The following RAB26 variants were observed in gnomAD, a reference collection of about 807,000 sequenced individuals.
RAB26 encodes ras-related protein Rab-26.
A neutral mutation model predicts 33.1 loss-of-function variants in RAB26; 39 were observed. That is an observed-to-expected ratio of 1.18 (90% CI 0.91 to 1.54). The LOEUF (loss-of-function observed/expected upper bound fraction) is 1.54, where lower values mean the gene tolerates loss of function less well. Among genes scored for constraint, RAB26 ranks in the 40% most tolerant of loss-of-function variants. The probability of loss-of-function intolerance (pLI) is 0.00; values close to 1 mark genes in which losing one functional copy is unlikely to be tolerated. For synonymous variants in RAB26, 192 were observed against 151.9 expected (o/e 1.26, Z -1.94); for missense variants, 468 against 362.9 (o/e 1.29, Z -2.35).
rs746887223 is a variant in RAB26, at chr16:2,152,858, C to T, written c.507C>T (p.Asp169=). Residue 169 remains aspartate, a synonymous_variant, in exon 6 of 9, where the codon GAC becomes GAT. Coordinates refer to ENST00000210187, the MANE Select transcript of RAB26 (RefSeq NM_014353.5). ...AGATCCACGAGTACGCCCAGCACGA[C>T]GTGGCGCTCATGCTGCTGGGGAACA... The part of the protein sequence containing the change: ...LTEIHEYAQH[D]VALMLLGNKV... 48 of 1,607,886 alleles carry T rather than the reference C, an allele frequency of 3.0e-5. No homozygotes were observed. Among genetic ancestry groups the T allele is most frequent in the Non-Finnish European group, 3.7e-5 (43 of 1,177,576 alleles).
chr16:2,151,767 C>A lies in RAB26; in HGVS notation c.415+6C>A, dbSNP rs763888850. On this transcript the variant is annotated splice_donor_region_variant and intron_variant, in intron 4 of 8. Transcript: ENST00000210187. ...CTACTACCGGGATGCTCATGGTGAG[C>A]CCCTGGGTACCTGGGCTGGTTGGGG... is the stretch of plus-strand genomic sequence containing the variant. 1.9e-6 allele frequency: 3 copies of A among 1,613,818 alleles called. No homozygotes were observed. The African/African-American group carries it at 4.0e-5, about 22-fold the overall frequency.
chr16:2,150,930 G>GC (rs146833102), intron 2 of RAB26, among the ~76,000 whole-genome samples: 4,136 of 152,144 alleles, frequency 0.027, 204 homozygotes, highest in African/African-American at 0.094. Flanking sequence ...TGCGGCTGAA[G>GC]CCCCCCGCCC....
At position 2,148,931 on chromosome 16, in the gene RAB26, C is replaced by T. The variant is rs1338778558; in HGVS notation, c.148C>T (p.Arg50Trp). The T allele has an allele frequency of 1.5e-6, 2 of 1,300,070 alleles. No individual in the cohort carries two copies. Among genetic ancestry groups the T allele is most frequent in the African/African-American group, 3.1e-5 (2 of 65,044 alleles). 80.5% of individuals were successfully genotyped at this position (1,300,070 alleles called of 1,614,324 possible). The change falls in exon 1 of 9, where the codon CGG becomes TGG. Residue 50 changes from arginine (R) to tryptophan (W), a missense_variant. Transcript: ENST00000210187. Reference sequence around the variant, plus strand: ...GCCCAACGGGCCCTTGCAGCCCGGCCGGCCCTCGCTTGGCGGCGGTGTCGA... The same window carrying T: ...GCCCAACGGGCCCTTGCAGCCCGGCTGGCCCTCGCTTGGCGGCGGTGTCGA... The part of the protein sequence containing the change: ...APPNGPLQPG[R>W]PSLGGGVDFY...
In RAB26 at chr16:2,152,867, C is replaced by T; in HGVS notation, c.516C>T (p.Leu172=). Residue 172 remains leucine, a synonymous_variant, in exon 6 of 9, where the codon CTC becomes CTT. Transcript: ENST00000210187. ...AGTACGCCCAGCACGACGTGGCGCTCATGCTGCTGGGGAACAAGGTGGGAG... is the reference window on the plus strand; with the variant it reads ...AGTACGCCCAGCACGACGTGGCGCTTATGCTGCTGGGGAACAAGGTGGGAG... The part of the protein sequence containing the change: ...IHEYAQHDVA[L]MLLGNKVDSA... 1 of 1,607,280 alleles carries T rather than the reference C, an allele frequency of 6.2e-7. No individual in the cohort carries two copies. Among genetic ancestry groups the T allele is most frequent in the Non-Finnish European group, 8.5e-7 (1 of 1,177,050 alleles).
Position 2,148,933 on chromosome 16 carries a change from G to A in RAB26, c.150G>A (p.Arg50=). ...APPNGPLQPG[R]PSLGGGVDFY... Reference sequence around the variant, plus strand: ...CCAACGGGCCCTTGCAGCCCGGCCGGCCCTCGCTTGGCGGCGGTGTCGACT... The same window carrying A: ...CCAACGGGCCCTTGCAGCCCGGCCGACCCTCGCTTGGCGGCGGTGTCGACT... Residue 50 remains arginine, a synonymous_variant, in exon 1 of 9, where the codon CGG becomes CGA. Transcript: ENST00000210187. The A allele has an allele frequency of 2.3e-6, 3 of 1,298,266 alleles. No homozygotes were observed. Among genetic ancestry groups the A allele is most frequent in the Non-Finnish European group, 2.0e-6 (2 of 1,021,738 alleles). The allele number at this position is 1,298,266 out of a possible 1,614,324, so 80.4% of individuals were successfully genotyped here.
At chr16:2,151,315 AG>A in intron 2 of RAB26, 1 of 611,698 alleles carries the variant, frequency 1.6e-6, no homozygotes, top group Admixed American at 2.5e-5. Context: ...AGGCAGTGTC[AG>A]TAAGAGGCCT....
At chr16:2,149,048 C>T (rs1466012663) in intron 1 of RAB26, 70 bp downstream of exon 1, 2 of 1,243,596 alleles carry the variant, frequency 1.6e-6, no homozygotes, top group Non-Finnish European at 2.0e-6. Flanking sequence ...GGTTGGGGGT[C>T]GGACAGGGGG....
At position 2,151,758 on chromosome 16, in the gene RAB26, C is replaced by T; in HGVS notation, c.412C>T (p.His138Tyr). ...TACCCATGCCTACTACCGGGATGCT[C>T]ATGGTGAGCCCCTGGGTACCTGGGC... is the stretch of plus-strand genomic sequence containing the variant. ...SVTHAYYRDAHALLLLYDVTN... is the reference protein window; with the variant it reads ...SVTHAYYRDAYALLLLYDVTN... The change falls in exon 4 of 9, where the codon CAT becomes TAT. Residue 138 changes from histidine to tyrosine, a missense_variant. Physicochemically the swap from His to Tyr is moderately conservative, Grantham distance 83 (BLOSUM62 2). Transcript: ENST00000210187. 1.9e-6 allele frequency: 3 copies of T among 1,613,954 alleles called. No individual in the cohort carries two copies. Among genetic ancestry groups the T allele is most frequent in the Non-Finnish European group, 2.5e-6 (3 of 1,180,018 alleles).
chr16:2,151,794 G>A (rs200316944), intron 4 of RAB26, 33 bp downstream of exon 4: 224 of 1,613,768 alleles, frequency 1.4e-4, no homozygotes, highest in Non-Finnish European at 1.7e-4. Context: ...TGGTTGGGGC[G>A]GGGGTCTGAG....
chr16:2,151,641 G>A (rs777344726), intron 3 of RAB26, 31 bp downstream of exon 3: 10 of 1,613,936 alleles, frequency 6.2e-6, no homozygotes, highest in Non-Finnish European at 8.5e-6. Flanking sequence ...CAAGTTGGGG[G>A]ACAGGGGACA....
At chr16:2,150,203 C>G in intron 2 of RAB26, 152 bp downstream of exon 2, 1 of 643,124 alleles carries the variant, frequency 1.6e-6, no homozygotes, top group South Asian at 2.1e-5. Context: ...GGTGGCTGCA[C>G]CCGACAAGCA....
At position 2,151,853 on chromosome 16, in the gene RAB26, C is replaced by T; in HGVS notation, c.416-3C>T. 1 of 1,614,146 alleles carries T rather than the reference C, an allele frequency of 6.2e-7. No individual in the cohort carries two copies. Among genetic ancestry groups the T allele is most frequent in the Non-Finnish European group, 8.5e-7 (1 of 1,180,034 alleles). On this transcript the variant is annotated splice_polypyrimidine_tract_variant and splice_region_variant and intron_variant, in intron 4 of 8. Coordinates refer to ENST00000210187, the MANE Select transcript of RAB26 (RefSeq NM_014353.5). The stretch of plus-strand genomic sequence containing the variant: ...GGATGTCCTCACTGCCCTCTGTCCC[C>T]AGCTCTGCTGCTGCTCTACGATGTC...
chr16:2,149,893 C>A, intron 1 of RAB26, 48 bp from the exon 2 acceptor site: 1 of 1,410,764 alleles, frequency 7.1e-7, no homozygotes, highest in Non-Finnish European at 9.4e-7. Flanking sequence ...TCTGACCAGG[C>A]CAGCTCAGGG....
In RAB26 at chr16:2,153,599, T is replaced by A; in HGVS notation, c.*178T>A. The A allele has an allele frequency of 1.5e-6, 1 of 672,636 alleles. No homozygotes were observed. The highest frequency in any genetic ancestry group is 1.7e-5 in the South Asian group (1 of 59,108). 41.7% of individuals were successfully genotyped at this position (672,636 alleles called of 1,614,324 possible). A position where few individuals can be genotyped will look rare whatever the true frequency, so the allele number is the denominator to read the frequency against. On this transcript the variant is annotated 3_prime_UTR_variant, in exon 9 of 9. Transcript: ENST00000210187. ...CCAGCAACAGTCCCAACAAGCAGGC[T>A]TCTGAGAGCCCGTGGCCGCACACTG...
Position 2,153,714 on chromosome 16 carries a change from C to T in RAB26, c.*293C>T, listed in dbSNP as rs530978470. ...GTGCTCTGCTGCCCCCTCCTGGGCA[C>T]GTCCAGGTGAGGGAGGGCTGGGGCT... On this transcript the variant is annotated 3_prime_UTR_variant, in exon 9 of 9. Transcript: ENST00000210187. 4.1e-3 allele frequency: 2,392 copies of T among 585,550 alleles called. 12 individuals carry two copies. Among genetic ancestry groups the T allele is most frequent in the Admixed American group, 6.1e-3 (280 of 46,276 alleles). 36.3% of individuals were successfully genotyped at this position (585,550 alleles called of 1,614,324 possible). A position where few individuals can be genotyped will look rare whatever the true frequency, so the allele number is the denominator to read the frequency against.
intron 2 of RAB26, chr16:2,151,054 C>T: frequency 2.8e-6 from 1 of 360,028 alleles, no homozygotes; most frequent in Non-Finnish European, 5.5e-6. Flanking sequence ...GCGGTTACTG[C>T]CTTGGGTCAG....
In RAB26 at chr16:2,151,846, C is replaced by T. The variant is rs1282639728; in HGVS notation, c.416-10C>T. 8 of 1,613,992 alleles carry T rather than the reference C, an allele frequency of 5.0e-6. No homozygotes were observed. The highest frequency in any genetic ancestry group is 1.7e-6 in the Non-Finnish European group (2 of 1,180,034). On this transcript the variant is annotated splice_polypyrimidine_tract_variant and intron_variant, in intron 4 of 8. Coordinates refer to ENST00000210187, the MANE Select transcript of RAB26 (RefSeq NM_014353.5). ...TGATGGTGGATGTCCTCACTGCCCT[C>T]TGTCCCCAGCTCTGCTGCTGCTCTA...
chr16:2,154,110 A>G lies in RAB26; in HGVS notation c.*689A>G, dbSNP rs1283973249. Reference sequence around the variant, plus strand: ...TTTGATTGCACAAGCCTTTGTTTTCAGTCCTAGTGAATAAAGTTGTGTTTT... The same window carrying G: ...TTTGATTGCACAAGCCTTTGTTTTCGGTCCTAGTGAATAAAGTTGTGTTTT... On this transcript the variant is annotated 3_prime_UTR_variant, in exon 9 of 9. Transcript: ENST00000210187. The G allele has an allele frequency of 9.7e-6, 3 of 309,364 alleles. No homozygotes were observed. Among genetic ancestry groups the G allele is most frequent in the Non-Finnish European group, 1.9e-5 (3 of 155,800 alleles). 19.2% of individuals were successfully genotyped at this position (309,364 alleles called of 1,614,324 possible).
Position 2,152,851 on chromosome 16 carries a change from A to G in RAB26, c.500A>G (p.Gln167Arg). The G allele has an allele frequency of 6.2e-7, 1 of 1,607,864 alleles. No individual in the cohort carries two copies. Among genetic ancestry groups the G allele is most frequent in the African/African-American group, 1.3e-5 (1 of 74,844 alleles). Residue 167 changes from glutamine to arginine, a missense_variant, in exon 6 of 9, where the codon CAG becomes CGG. Transcript: ENST00000210187. ...CTGACCGAGATCCACGAGTACGCCC[A>G]GCACGACGTGGCGCTCATGCTGCTG... ...AWLTEIHEYAQHDVALMLLGN... is the reference protein window; with the variant it reads ...AWLTEIHEYARHDVALMLLGN...
Sources: gnomAD v4.1 joint callset for allele counts (sites outside exome capture counted in the v4.1 genomes callset) on GRCh38, gnomAD v4.1.1 for gene constraint, MANE v1.5 for transcripts, NCBI Gene and HGNC (gene_info 2026-07-23, HGNC 2026-07-21) for gene names.